Variants in KIAA1328 observed in about 807,000 individuals in gnomAD.
The protein encoded by KIAA1328 is protein hinderin.
A neutral mutation model predicts 68.1 loss-of-function variants in KIAA1328; 52 were observed. That is an observed-to-expected ratio of 0.76 (90% CI 0.61 to 0.96). The LOEUF (loss-of-function observed/expected upper bound fraction) is 0.96. KIAA1328 is among the 40% of genes least tolerant of loss of function. The pLI, the probability that KIAA1328 is intolerant of heterozygous loss-of-function variation, is 0.00. For synonymous variants in KIAA1328, 232 were observed against 239.4 expected (o/e 0.97, Z 0.28); for missense variants, 641 against 677.6 (o/e 0.95, Z 0.60).
At chr18:36,840,935 A>G (rs981058780) in intron 3 of KIAA1328, among the ~76,000 whole-genome samples, 1 of 152,212 alleles carries the variant, frequency 6.6e-6, no homozygotes, top group Non-Finnish European at 1.5e-5. Flanking sequence ...GAGTAGAATG[A>G]GCAGGAATCT....
At chr18:37,061,396 G>A (rs979601932) in intron 6 of KIAA1328, among the ~76,000 whole-genome samples, 90 of 152,156 alleles carry the variant, frequency 5.9e-4, no homozygotes, top group African/African-American at 1.9e-3. Flanking sequence ...TCTATAACTT[G>A]ATCTAGGTGA....
intron 9 of KIAA1328, 64 bp downstream of exon 9, chr18:37,173,145 T>G (rs572954122): frequency 8.2e-7 from 1 of 1,217,538 alleles, no homozygotes; most frequent in South Asian, 1.4e-5. Flanking sequence ...TTGAAGTTTA[T>G]TTAATAAGGA....
intron 9 of KIAA1328, among the ~76,000 whole-genome samples, chr18:37,191,554 T>G (rs2059904511): frequency 1.3e-5 from 2 of 152,208 alleles, no homozygotes; most frequent in Admixed American, 1.3e-4. Flanking sequence ...GTATATCAGC[T>G]GCTTCACTCA....
At chr18:37,015,968 T>C (rs2054138224) in intron 6 of KIAA1328, among the ~76,000 whole-genome samples, 1 of 152,216 alleles carries the variant, frequency 6.6e-6, no homozygotes, top group Admixed American at 6.5e-5. Context: ...TGACTTCTTT[T>C]CCTATTTGAT....
At chr18:37,163,942 A>T (rs1470914514) in intron 8 of KIAA1328, among the ~76,000 whole-genome samples, 1 of 152,218 alleles carries the variant, frequency 6.6e-6, no homozygotes, top group Non-Finnish European at 1.5e-5. Flanking sequence ...GAATAAACCC[A>T]GATATGTAGA....
At chr18:37,164,670 T>C (rs2059349610) in intron 8 of KIAA1328, among the ~76,000 whole-genome samples, 1 of 152,120 alleles carries the variant, frequency 6.6e-6, no homozygotes, top group Non-Finnish European at 1.5e-5. Context: ...TGCTTGAGCC[T>C]GGGAGGCAGA....
At chr18:36,863,407 G>A (rs1309746248) in intron 4 of KIAA1328, among the ~76,000 whole-genome samples, 1 of 151,998 alleles carries the variant, frequency 6.6e-6, no homozygotes, top group African/African-American at 2.4e-5. Flanking sequence ...TCTGTCAACT[G>A]CCTTGATTAC....
chr18:37,103,542 A>G (rs1568410016), intron 7 of KIAA1328, among the ~76,000 whole-genome samples: 2 of 152,242 alleles, frequency 1.3e-5, no homozygotes, highest in East Asian at 1.9e-4. Flanking sequence ...ACCTGAAATT[A>G]TACAAGTGCT....
At chr18:37,154,770 C>A (rs2059118347) in intron 7 of KIAA1328, among the ~76,000 whole-genome samples, 1 of 152,178 alleles carries the variant, frequency 6.6e-6, no homozygotes, top group Non-Finnish European at 1.5e-5. Context: ...ATCACATACA[C>A]CATACCAAGG....
chr18:37,113,066 C>T (rs1248821333), intron 7 of KIAA1328, among the ~76,000 whole-genome samples: 1 of 152,108 alleles, frequency 6.6e-6, no homozygotes, highest in African/African-American at 2.4e-5. Flanking sequence ...GAGAATGGAA[C>T]CAAGTTGGAA....
At chr18:37,214,844 T>C (rs1438112391) in intron 9 of KIAA1328, among the ~76,000 whole-genome samples, 20 of 152,216 alleles carry the variant, frequency 1.3e-4, no homozygotes, top group Admixed American at 1.3e-3. Flanking sequence ...TGGTTTGTAG[T>C]TCTCCTTGAA....
chr18:37,091,382 A>G (rs2057262948), intron 7 of KIAA1328, among the ~76,000 whole-genome samples: 1 of 152,212 alleles, frequency 6.6e-6, no homozygotes, highest in Non-Finnish European at 1.5e-5. Context: ...GTAAATCACC[A>G]CCATGTTCTT....
intron 1 of KIAA1328, chr18:36,832,781 C>T (rs1229607528): frequency 6.6e-6 from 1 of 151,404 alleles, no homozygotes; most frequent in Non-Finnish European, 1.5e-5. Flanking sequence ...CCTCTTGGTG[C>T]CTACATTTTA....
At chr18:37,149,895 A>G (rs544941810) in intron 7 of KIAA1328, among the ~76,000 whole-genome samples, 4 of 152,308 alleles carry the variant, frequency 2.6e-5, no homozygotes, top group East Asian at 1.9e-4. Flanking sequence ...CTATGAAAAG[A>G]AAAAAATTAC....
intron 7 of KIAA1328, among the ~76,000 whole-genome samples, chr18:37,155,786 G>A (rs1017314487): frequency 6.6e-6 from 1 of 152,074 alleles, no homozygotes; most frequent in Non-Finnish European, 1.5e-5. Flanking sequence ...CTTCATCTCC[G>A]TTCCTCCCTA....
intron 2 of KIAA1328, 66 bp downstream of exon 2, chr18:36,834,421 G>A: frequency 7.3e-7 from 1 of 1,368,314 alleles, no homozygotes; most frequent in Non-Finnish European, 9.9e-7. Context: ...AGAAAATAAA[G>A]CTATTAGAAC....
intron 6 of KIAA1328, among the ~76,000 whole-genome samples, chr18:37,065,692 T>C (rs1376275627): frequency 6.6e-6 from 1 of 152,228 alleles, no homozygotes; most frequent in Non-Finnish European, 1.5e-5. Context: ...TTAAGTTTCT[T>C]TCTTACACAT....
At chr18:37,066,837 G>T (rs2056354886) in intron 6 of KIAA1328, 53 bp from the exon 7 acceptor site, 33 of 1,448,258 alleles carry the variant, frequency 2.3e-5, no homozygotes, top group Admixed American at 2.8e-5. Context: ...CCAAACGAAA[G>T]AACTTGTTTT....
intron 7 of KIAA1328, among the ~76,000 whole-genome samples, chr18:37,140,644 G>A (rs1472843592): frequency 6.6e-6 from 1 of 152,138 alleles, no homozygotes; most frequent in East Asian, 1.9e-4. Flanking sequence ...AAAATCTTAG[G>A]AACTTAAGGG....
Sources: gnomAD v4.1 joint callset for allele counts (sites outside exome capture counted in the v4.1 genomes callset) on GRCh38, gnomAD v4.1.1 for gene constraint, MANE v1.5 for transcripts, NCBI Gene and HGNC (gene_info 2026-07-23, HGNC 2026-07-21) for gene names.